The following BCAS3 variants were observed in gnomAD, a reference collection of about 807,000 sequenced individuals.
The protein encoded by BCAS3 is BCAS4/BCAS3 fusion.
In BCAS3, 53 loss-of-function variants were observed where a neutral mutation model predicts 116.1. That is an observed-to-expected ratio of 0.46 (90% CI 0.37 to 0.57). The LOEUF (loss-of-function observed/expected upper bound fraction) is 0.57. BCAS3 is among the 20% of genes least tolerant of loss of function. The probability of loss-of-function intolerance (pLI) is 0.00; values close to 1 mark genes in which losing one functional copy is unlikely to be tolerated. For synonymous variants in BCAS3, 391 were observed against 408.2 expected (o/e 0.96, Z 0.51); for missense variants, 917 against 1,165.4 (o/e 0.79, Z 3.10).
At position 61,126,854 on chromosome 17, in the gene BCAS3, G is replaced by GT. The variant is rs1412172536; in HGVS notation, c.2425+42291dup. Among the ~76,000 whole-genome samples the GT allele has an allele frequency of 6.6e-6, 1 of 151,994 alleles. No individual in the cohort carries two copies. Among genetic ancestry groups the GT allele is most frequent in the Non-Finnish European group, 1.5e-5 (1 of 67,982 alleles). ...TCTTTGTGGGAAAAATATTACAACC[G>GT]TATCATTACTACTTTGAATACAGGA... On this transcript the variant is annotated intron_variant, in intron 22 of 23. Coordinates refer to ENST00000407086, the MANE Select transcript of BCAS3 (RefSeq NM_017679.5). The surrounding 1 kb of genome is among the most constrained non-coding windows in gnomAD (Gnocchi z 4.6).
intron 19 of BCAS3, among the ~76,000 whole-genome samples, chr17:61,057,139 A>G (rs1402062021): frequency 1.3e-5 from 2 of 152,226 alleles, no homozygotes; most frequent in Non-Finnish European, 2.9e-5. Flanking sequence ...TTTGCCATTA[A>G]TAGAAGGCCT....
At chr17:60,720,547 T>A (rs576923922) in intron 5 of BCAS3, among the ~76,000 whole-genome samples, 1 of 152,328 alleles carries the variant, frequency 6.6e-6, no homozygotes, top group African/African-American at 2.4e-5. Context: ...CAGTTGGCCC[T>A]GGATATCCAT....
intron 22 of BCAS3, among the ~76,000 whole-genome samples, chr17:61,138,286 A>AGAAATCTTAGCTTTGACAAAAACC (rs2076751169): frequency 6.6e-6 from 1 of 152,240 alleles, no homozygotes. Context: ...GCACAGCTTT[A>AGAAATCTTAGCTTTGACAAAAACC]GAAATCTTAG....
chr17:61,040,615 A>T (rs1234302078), intron 18 of BCAS3, among the ~76,000 whole-genome samples, 177 bp from the exon 19 acceptor site: 2 of 152,108 alleles, frequency 1.3e-5, no homozygotes, highest in Non-Finnish European at 2.9e-5. Flanking sequence ...TATTTTTTCT[A>T]AGCAGATGGC....
chr17:60,779,938 A>G (rs763786152), intron 6 of BCAS3, among the ~76,000 whole-genome samples: 5 of 151,904 alleles, frequency 3.3e-5, no homozygotes, highest in Non-Finnish European at 7.4e-5. Flanking sequence ...CTTGGTGTCT[A>G]TTGCAATATT....
chr17:60,777,613 G>A (rs1217792289), intron 6 of BCAS3, among the ~76,000 whole-genome samples: 1 of 151,972 alleles, frequency 6.6e-6, no homozygotes, highest in African/African-American at 2.4e-5. Flanking sequence ...GTGACAGAGC[G>A]CGACTCTGTC....
intron 5 of BCAS3, among the ~76,000 whole-genome samples, chr17:60,735,828 T>C (rs1176256886): frequency 6.6e-6 from 1 of 152,184 alleles, no homozygotes; most frequent in Non-Finnish European, 1.5e-5. Context: ...TTTTTTTCTT[T>C]TTTTTCATAA....
chr17:60,770,001 C>T (rs1311518932), intron 6 of BCAS3, among the ~76,000 whole-genome samples: 1 of 152,034 alleles, frequency 6.6e-6, no homozygotes, highest in Non-Finnish European at 1.5e-5. Context: ...TCTCGAACTC[C>T]TGACCTCAGG....
chr17:60,954,364 A>G (rs1234982450), intron 14 of BCAS3, among the ~76,000 whole-genome samples: 2 of 152,096 alleles, frequency 1.3e-5, no homozygotes, highest in African/African-American at 2.4e-5. Context: ...TTGGTTTCAT[A>G]TGAATTTTAA....
chr17:61,294,632 T>G (rs1244883722), intron 22 of BCAS3, among the ~76,000 whole-genome samples: 1 of 152,210 alleles, frequency 6.6e-6, no homozygotes, highest in East Asian at 1.9e-4. Flanking sequence ...AGGCCCAGGC[T>G]GGGTAGCAGA....
In BCAS3 at chr17:61,004,966, A is replaced by G. The variant is rs1021372556; in HGVS notation, c.1487-10785A>G. 3.3e-5 allele frequency among the ~76,000 whole-genome samples: 5 copies of G among 152,178 alleles called. No homozygotes were observed. Among genetic ancestry groups the G allele is most frequent in the African/African-American group, 1.2e-4 (5 of 41,454 alleles). ...TTTTGGAGCAGATTGAAATGTGTCT[A>G]TATTTGATAAAACCATAGATGAGGG... On this transcript the variant is annotated intron_variant, in intron 15 of 23. Transcript: ENST00000407086. The surrounding 1 kb of genome is among the most constrained non-coding windows in gnomAD (Gnocchi z 4.8).
intron 14 of BCAS3, among the ~76,000 whole-genome samples, chr17:60,951,349 G>A (rs2060821463): frequency 6.6e-6 from 1 of 151,104 alleles, no homozygotes; most frequent in Admixed American, 6.6e-5. Flanking sequence ...TCATTGTTTT[G>A]CCCTATTTCT....
chr17:60,728,927 C>T (rs370751726), intron 5 of BCAS3, among the ~76,000 whole-genome samples: 1 of 152,030 alleles, frequency 6.6e-6, no homozygotes, highest in African/African-American at 2.4e-5. Flanking sequence ...TACACAAGTA[C>T]GTGAAACCAC....
At chr17:61,050,927 A>G (rs2068802213) in intron 19 of BCAS3, among the ~76,000 whole-genome samples, 1 of 152,078 alleles carries the variant, frequency 6.6e-6, no homozygotes, top group South Asian at 2.1e-4. Flanking sequence ...CATACAAAGT[A>G]TATTCCCTGA....
intron 14 of BCAS3, among the ~76,000 whole-genome samples, chr17:60,950,341 A>G (rs989542712): frequency 3.9e-5 from 6 of 152,334 alleles, no homozygotes; most frequent in South Asian, 4.2e-4. Context: ...TAAAATACAC[A>G]TTGAGTAAAT....
chr17:61,158,170 C>T (rs1490336841), intron 22 of BCAS3, among the ~76,000 whole-genome samples: 5 of 152,070 alleles, frequency 3.3e-5, no homozygotes, highest in African/African-American at 7.2e-5. Flanking sequence ...GTTTATACTC[C>T]GACATTTTTT....
intron 22 of BCAS3, among the ~76,000 whole-genome samples, chr17:61,109,072 G>A (rs1046472204): frequency 3.3e-5 from 5 of 151,730 alleles, no homozygotes; most frequent in African/African-American, 1.2e-4. Flanking sequence ...TGTAATCCCA[G>A]CTACTCAGGA....
At chr17:60,758,874 C>T (rs1381568816) in intron 6 of BCAS3, among the ~76,000 whole-genome samples, 4 of 152,124 alleles carry the variant, frequency 2.6e-5, no homozygotes, top group African/African-American at 9.7e-5. Flanking sequence ...TCTTCATTGA[C>T]CCAGTGGTTG....
At chr17:61,001,845 G>C (rs931915560) in intron 15 of BCAS3, among the ~76,000 whole-genome samples, 2 of 152,028 alleles carry the variant, frequency 1.3e-5, no homozygotes, top group South Asian at 4.1e-4. Flanking sequence ...ATAGCACTCT[G>C]CTAGTTTTAA....
Sources: gnomAD v4.1 joint callset for allele counts (sites outside exome capture counted in the v4.1 genomes callset) on GRCh38, gnomAD v4.1.1 for gene constraint, Gnocchi (gnomAD v3.1) non-coding constraint, MANE v1.5 for transcripts, NCBI Gene and HGNC (gene_info 2026-07-23, HGNC 2026-07-21) for gene names.